Variants in PTPN14 observed in about 807,000 individuals in gnomAD.
PTPN14 encodes protein tyrosine phosphatase non-receptor type 14, also known as tyrosine-protein phosphatase non-receptor type 14.
Under a neutral mutation model 126.8 loss-of-function variants are expected in PTPN14, and 53 were observed. That is an observed-to-expected ratio of 0.42 (90% CI 0.34 to 0.53). The LOEUF is 0.53. PTPN14 is among the 20% of genes least tolerant of loss of function. The pLI is 0.08. For synonymous variants in PTPN14, 630 were observed against 599.3 expected (o/e 1.05, Z -0.75); for missense variants, 1,257 against 1,552.9 (o/e 0.81, Z 3.20).
At position 214,389,226 on chromosome 1, in the gene PTPN14, T is replaced by C. The variant is rs1373838702; in HGVS notation, c.987+1762A>G. Among the ~76,000 whole-genome samples, 6 of 152,202 alleles carry C rather than the reference T, an allele frequency of 3.9e-5. No individual in the cohort carries two copies. The East Asian group carries it at 9.6e-4, about 24-fold the overall frequency. ...GCAAAATTGGTTTACTGTGTTTTCTTGCCTTATTTAAAAAAAACCAATAAG... is the reference window on the plus strand; with the variant it reads ...GCAAAATTGGTTTACTGTGTTTTCTCGCCTTATTTAAAAAAAACCAATAAG... On this transcript the variant is annotated intron_variant, in intron 11 of 18. Transcript: ENST00000366956.
chr1:214,495,300 T>C (rs1023894692), intron 1 of PTPN14, among the ~76,000 whole-genome samples: 13 of 152,174 alleles, frequency 8.5e-5, no homozygotes, highest in African/African-American at 3.1e-4. Flanking sequence ...AATAAGATAA[T>C]GTATATAAAG....
In PTPN14 at chr1:214,353,452, G is replaced by T. The variant is rs984020930; in HGVS notation, c.*4470C>A. The T allele has an allele frequency of 6.6e-6, 1 of 152,168 alleles. No individual in the cohort carries two copies. Among genetic ancestry groups the T allele is most frequent in the African/African-American group, 2.4e-5 (1 of 41,434 alleles). 9.4% of individuals were successfully genotyped at this position (152,168 alleles called of 1,614,324 possible). A position where few individuals can be genotyped will look rare whatever the true frequency, so the allele number is the denominator to read the frequency against. Reference sequence around the variant, plus strand: ...CAATCTGTACTTGGTTGAATATAGGGATGTGGAACCCACAGATAGGGGTGG... The same window carrying T: ...CAATCTGTACTTGGTTGAATATAGGTATGTGGAACCCACAGATAGGGGTGG... On this transcript the variant is annotated 3_prime_UTR_variant, in exon 19 of 19. Transcript: ENST00000366956.
At chr1:214,531,065 T>A (rs985550158) in intron 1 of PTPN14, 1 of 152,186 alleles carries the variant, frequency 6.6e-6, no homozygotes, top group Non-Finnish European at 1.5e-5. Flanking sequence ...GAGACTCATA[T>A]AAAGTGAACT....
intron 1 of PTPN14, among the ~76,000 whole-genome samples, chr1:214,492,157 A>C (rs1661263875): frequency 6.6e-6 from 1 of 152,094 alleles, no homozygotes; most frequent in Non-Finnish European, 1.5e-5. Context: ...TACTAAAGGA[A>C]CCTATCAAAT....
At chr1:214,512,078 C>T (rs1327063364) in intron 1 of PTPN14, among the ~76,000 whole-genome samples, 1 of 152,004 alleles carries the variant, frequency 6.6e-6, no homozygotes, top group East Asian at 1.9e-4. Context: ...ATTCTGAGGC[C>T]CCTGCCCCAG....
At chr1:214,459,671 G>A (rs932927890) in intron 2 of PTPN14, among the ~76,000 whole-genome samples, 1 of 151,746 alleles carries the variant, frequency 6.6e-6, no homozygotes, top group Non-Finnish European at 1.5e-5. Context: ...GTTTCACCAT[G>A]TTGGCCAGGA....
At chr1:214,443,041 T>C (rs1660069456) in intron 3 of PTPN14, among the ~76,000 whole-genome samples, 3 of 152,186 alleles carry the variant, frequency 2.0e-5, no homozygotes, top group African/African-American at 7.2e-5. Context: ...CAGACTGGTC[T>C]CGAACTCCCG....
intron 1 of PTPN14, among the ~76,000 whole-genome samples, chr1:214,465,406 C>T (rs1459862973): frequency 1.3e-5 from 2 of 151,970 alleles, no homozygotes; most frequent in Non-Finnish European, 2.9e-5. Flanking sequence ...GCCCAGGAGT[C>T]CAAAACCAGC....
Position 214,383,608 on chromosome 1 carries a change from C to T in PTPN14, c.2247G>A (p.Pro749=), listed in dbSNP as rs148900952. 89 of 1,613,298 alleles carry T rather than the reference C, an allele frequency of 5.5e-5. No individual in the cohort carries two copies. In the African/African-American group the frequency reaches 9.7e-4, roughly 18 times the overall value. The change falls in exon 13 of 19, where the codon CCG becomes CCA. Residue 749 remains proline, a synonymous_variant. Transcript: ENST00000366956. This position sits in a 1 kb window ranked among gnomAD's most constrained non-coding sequence, Gnocchi z 4.4. ...TCTTCCTTGGACCGGGGTACTCAGG[C>T]GGGGGCTTGTTGGGGATGCGGGCCA... ...AALARIPNKP[P]PEYPGPRKSV... is the part of the protein sequence containing the mutation.
chr1:214,544,271 T>A (rs1655913695), intron 1 of PTPN14, among the ~76,000 whole-genome samples: 1 of 151,836 alleles, frequency 6.6e-6, no homozygotes, highest in Non-Finnish European at 1.5e-5. Flanking sequence ...TGTACAAAAA[T>A]TTTTTAAAAA....
intron 1 of PTPN14, among the ~76,000 whole-genome samples, chr1:214,473,373 A>G (rs1660802387): frequency 6.6e-6 from 1 of 152,262 alleles, no homozygotes; most frequent in Admixed American, 6.5e-5. Context: ...GAAAGACAGA[A>G]GTTCAAATCC....
chr1:214,358,051 C>T lies in PTPN14; in HGVS notation c.3436-1G>A, dbSNP rs1225753581. ...TCAGCATCATGGGCACTTCCACCTT[C>T]TGCAAGAAAAGAGAGAAAGCACAAG... On this transcript the variant is annotated splice_acceptor_variant, in intron 18 of 18. Coordinates refer to ENST00000366956, the MANE Select transcript of PTPN14 (RefSeq NM_005401.5). LOFTEE classifies it high-confidence loss of function. 1 of 1,612,864 alleles carries T rather than the reference C, an allele frequency of 6.2e-7. No individual in the cohort carries two copies. The highest frequency in any genetic ancestry group is 1.7e-5 in the Admixed American group (1 of 59,986).
At chr1:214,529,520 G>A (rs1274277779) in intron 1 of PTPN14, 1 of 152,202 alleles carries the variant, frequency 6.6e-6, no homozygotes, top group Non-Finnish European at 1.5e-5. Context: ...TCCTTCTACA[G>A]AGACATGGGA....
At chr1:214,528,393 T>A (rs1276628134) in intron 1 of PTPN14, 2 of 152,210 alleles carry the variant, frequency 1.3e-5, no homozygotes, top group East Asian at 3.9e-4. Context: ...TATACATCCA[T>A]TAACATTCTA....
At chr1:214,512,505 T>C (rs61030800) in intron 1 of PTPN14, among the ~76,000 whole-genome samples, 2,080 of 152,168 alleles carry the variant, frequency 0.014, 47 homozygotes, top group African/African-American at 0.046. Flanking sequence ...AGTAGTCAAG[T>C]TCATGGAAAC....
rs1201138146 is a variant in PTPN14, at chr1:214,386,880, A to G, written c.1030T>C (p.Cys344Arg). ...TGCGTTTCCGAGTAGTGCTCACCAC[A>G]CTGGACGTGAACGGGAGGCAGGATG... ...PYILPPVHVQ[C>R]GEHYSETHTS... is the part of the protein sequence containing the mutation. Residue 344 changes from cysteine to arginine, a missense_variant, in exon 12 of 19, where the codon TGT becomes CGT. Transcript: ENST00000366956. 13 of 1,609,376 alleles carry G rather than the reference A, an allele frequency of 8.1e-6. No individual in the cohort carries two copies. The highest frequency in any genetic ancestry group is 1.3e-5 in the African/African-American group (1 of 74,826).
intron 12 of PTPN14, among the ~76,000 whole-genome samples, chr1:214,385,786 A>T (rs573907047): frequency 2.0e-4 from 30 of 152,258 alleles, no homozygotes; most frequent in African/African-American, 7.0e-4. Flanking sequence ...ATCAGATGAG[A>T]CAGGCACAAA....
chr1:214,403,448 T>C (rs1411848632), intron 5 of PTPN14, among the ~76,000 whole-genome samples: 1 of 152,088 alleles, frequency 6.6e-6, no homozygotes, highest in African/African-American at 2.4e-5. Context: ...TACTTGATGG[T>C]CACGGGGGCA....
intron 1 of PTPN14, among the ~76,000 whole-genome samples, chr1:214,541,655 C>A (rs1472494278): frequency 2.0e-5 from 3 of 152,174 alleles, no homozygotes; most frequent in East Asian, 3.8e-4. Context: ...TGGTGATTTA[C>A]CTGTCCATTT....
Sources: allele counts gnomAD v4.1 joint callset (sites outside exome capture counted in the v4.1 genomes callset), GRCh38; gene constraint gnomAD v4.1.1; non-coding constraint Gnocchi (gnomAD v3.1); transcripts MANE v1.5; gene names NCBI Gene and HGNC (gene_info 2026-07-23, HGNC 2026-07-21).